KANSL1: variants seen among roughly 807,000 people sequenced by gnomAD.
The protein encoded by KANSL1 is KAT8 regulatory NSL complex subunit 1, also known as MLL1/MLL complex subunit KANSL1.
KANSL1 carries 22 observed loss-of-function variants against 103.6 expected under a neutral mutation model. That is an observed-to-expected ratio of 0.21 (90% CI 0.15 to 0.30). The LOEUF is 0.30. Ranked by LOEUF, KANSL1 falls within the 10% of genes least tolerant of loss-of-function variation. The pLI, the probability that KANSL1 is intolerant of heterozygous loss-of-function variation, is 1.00. For synonymous variants in KANSL1, 600 were observed against 527.6 expected (o/e 1.14, Z -1.88); for missense variants, 1,337 against 1,399.8 (o/e 0.96, Z 0.72).
At chr17:46,145,501 T>G (rs1303989520) in intron 2 of KANSL1, among the ~76,000 whole-genome samples, 1 of 152,254 alleles carries the variant, frequency 6.6e-6, no homozygotes, top group Non-Finnish European at 1.5e-5. Context: ...CTGAAAACAC[T>G]GTTGTGCTAA....
chr17:46,162,360 C>CTAGT (rs1227745724), intron 2 of KANSL1, among the ~76,000 whole-genome samples: 1 of 152,222 alleles, frequency 6.6e-6, no homozygotes, highest in Non-Finnish European at 1.5e-5. Flanking sequence ...TTTCCCTTTT[C>CTAGT]TAGTTAAAAC....
At chr17:46,215,326 G>T (rs1227705914) in intron 1 of KANSL1, among the ~76,000 whole-genome samples, 6 of 152,220 alleles carry the variant, frequency 3.9e-5, no homozygotes, top group Admixed American at 1.3e-4. Context: ...CTGCGTACAG[G>T]ATGCTCAGGA....
chr17:46,039,259 A>T, intron 8 of KANSL1, 44 bp from the exon 9 acceptor site: 1 of 1,498,268 alleles, frequency 6.7e-7, no homozygotes, highest in Non-Finnish European at 8.9e-7. Context: ...ATGTCCTCTC[A>T]AATATTTTCT....
intron 11 of KANSL1, 118 bp from the exon 12 acceptor site, chr17:46,033,578 G>A (rs2077070400): frequency 1.9e-5 from 16 of 822,242 alleles, no homozygotes; most frequent in Admixed American, 9.8e-5. Context: ...GCTCTCTGCC[G>A]GGTAGGCTCT....
At chr17:46,212,297 T>C (rs2048190490) in intron 1 of KANSL1, among the ~76,000 whole-genome samples, 1 of 152,102 alleles carries the variant, frequency 6.6e-6, no homozygotes, top group Non-Finnish European at 1.5e-5. Context: ...CTCAGCTCAC[T>C]GCAACCTCCA....
chr17:46,103,601 A>G (rs1294191494), intron 2 of KANSL1, among the ~76,000 whole-genome samples: 1 of 152,232 alleles, frequency 6.6e-6, no homozygotes, highest in Non-Finnish European at 1.5e-5. Flanking sequence ...AGCTCGTAAC[A>G]CGCTCCTCCT....
intron 2 of KANSL1, among the ~76,000 whole-genome samples, chr17:46,166,789 G>A (rs1292931319): frequency 6.6e-6 from 1 of 152,164 alleles, no homozygotes; most frequent in Non-Finnish European, 1.5e-5. Context: ...AAGAAACCTA[G>A]TGAACAATTA....
upstream of KANSL1, chr17:46,196,299 T>G (rs889116170): frequency 2.2e-6 from 1 of 452,652 alleles, no homozygotes; most frequent in Non-Finnish European, 4.4e-6. Context: ...GGAATAGTCA[T>G]GTTGACTCTC....
chr17:46,072,600 A>G (rs2078617980), intron 4 of KANSL1, among the ~76,000 whole-genome samples: 1 of 152,288 alleles, frequency 6.6e-6, no homozygotes, highest in South Asian at 2.1e-4. Context: ...TTGCTGGCCT[A>G]TAAATAGTAT....
chr17:46,216,039 C>T (rs1424519195), intron 1 of KANSL1, among the ~76,000 whole-genome samples: 1 of 151,810 alleles, frequency 6.6e-6, no homozygotes, highest in East Asian at 1.9e-4. Context: ...GACTCCGTCT[C>T]AATAGTAATA....
chr17:46,193,628 T>C (rs1459588239), upstream of KANSL1: 2 of 304,204 alleles, frequency 6.6e-6, no homozygotes, highest in Non-Finnish European at 1.4e-5. Flanking sequence ...TGGCCGATGT[T>C]TTTGTACCTC....
chr17:46,077,268 G>A (rs894021636), intron 4 of KANSL1, among the ~76,000 whole-genome samples: 11 of 152,150 alleles, frequency 7.2e-5, no homozygotes, highest in African/African-American at 2.4e-4. Context: ...GCTGGAGCTG[G>A]TCTTGAACTC....
At chr17:46,129,151 A>G (rs568525712) in intron 2 of KANSL1, among the ~76,000 whole-genome samples, 4 of 152,348 alleles carry the variant, frequency 2.6e-5, no homozygotes, top group South Asian at 4.1e-4. Flanking sequence ...CATGAAAGCA[A>G]GGGCCATGTT....
chr17:46,143,803 CAAAAAA>C (rs57361021), intron 2 of KANSL1, among the ~76,000 whole-genome samples: 5 of 85,536 alleles, frequency 5.8e-5, no homozygotes, highest in Admixed American at 2.7e-4. Flanking sequence ...GACTCCATCT[CAAAAAA>C]AAAAAAAAAA....
At chr17:46,198,046 G>A (rs959108968), upstream of KANSL1, among the ~76,000 whole-genome samples, 2 of 152,094 alleles carry the variant, frequency 1.3e-5, no homozygotes, top group Non-Finnish European at 2.9e-5. Context: ...AAAGCACAGG[G>A]GCCCATTTTT....
chr17:46,055,333 C>T (rs951148022), intron 6 of KANSL1, among the ~76,000 whole-genome samples: 4 of 151,536 alleles, frequency 2.6e-5, no homozygotes, highest in Non-Finnish European at 4.4e-5. Context: ...GGCATGGTGG[C>T]GGGCGCCTGT....
intron 1 of KANSL1, among the ~76,000 whole-genome samples, chr17:46,181,499 C>T (rs1270711384): frequency 6.6e-6 from 1 of 152,104 alleles, no homozygotes; most frequent in South Asian, 2.1e-4. Context: ...GCGCGATCTC[C>T]GCTCACTGCA....
At chr17:46,214,191 T>C (rs1437686555) in intron 1 of KANSL1, among the ~76,000 whole-genome samples, 1 of 152,236 alleles carries the variant, frequency 6.6e-6, no homozygotes, top group Non-Finnish European at 1.5e-5. Context: ...GCAATCCTTA[T>C]TCCAAAGTTG....
intron 6 of KANSL1, among the ~76,000 whole-genome samples, chr17:46,051,388 G>C (rs1226884551): frequency 6.6e-6 from 1 of 152,102 alleles, no homozygotes; most frequent in Non-Finnish European, 1.5e-5. Context: ...ATTCCAAAGG[G>C]TAGAAATTAT....
Sources: allele counts gnomAD v4.1 joint callset (sites outside exome capture counted in the v4.1 genomes callset), GRCh38; gene constraint gnomAD v4.1.1; transcripts MANE v1.5; gene names NCBI Gene and HGNC (gene_info 2026-07-23, HGNC 2026-07-21).